TENM4: variants seen among roughly 807,000 people sequenced by gnomAD.
TENM4 encodes the protein teneurin-4.
A neutral mutation model predicts 243.3 loss-of-function variants in TENM4; 82 were observed. The ratio of observed to expected loss-of-function variants is 0.34; its 90% confidence interval spans 0.28 to 0.40. TENM4 has a LOEUF of 0.40. Ranked by LOEUF, TENM4 falls within the 10% of genes least tolerant of loss-of-function variation. The pLI is 1.00. For synonymous variants in TENM4, 1,412 were observed against 1,456.3 expected (o/e 0.97, Z 0.69); for missense variants, 3,138 against 3,673.3 (o/e 0.85, Z 3.77).
intron 12 of TENM4, among the ~76,000 whole-genome samples, chr11:78,842,461 A>G (rs562172510): frequency 6.6e-6 from 1 of 152,336 alleles, no homozygotes; most frequent in Admixed American, 6.5e-5. Context: ...TGCCAGCCAA[A>G]GATACCTATA....
intron 3 of TENM4, among the ~76,000 whole-genome samples, chr11:79,208,338 C>G (rs1228230081): frequency 6.6e-6 from 1 of 152,218 alleles, no homozygotes; most frequent in Non-Finnish European, 1.5e-5. Flanking sequence ...CTGAGGCTTG[C>G]CTTCTGAAGA....
At position 78,903,442 on chromosome 11, in the gene TENM4, T is replaced by C. The variant is rs1181864984; in HGVS notation, c.575A>G (p.His192Arg). The C allele has an allele frequency of 4.5e-6, 7 of 1,548,028 alleles. No homozygotes were observed. The Admixed American group carries it at 1.4e-4, about 31-fold the overall frequency. Residue 192 changes from histidine (H) to arginine (R), a missense_variant, in exon 7 of 34, where the codon CAC (histidine) becomes CGC (arginine). Physicochemically the swap from His to Arg is conservative, Grantham distance 29 (BLOSUM62 0). Coordinates refer to ENST00000278550, the MANE Select transcript of TENM4 (RefSeq NM_001098816.3). ...PLSHAHTPNQ[H>R]HAASINSLNR... ...CAGGGAGTTAATGGAGGCCGCGTGGTGCTGGTTGGGGGTGTGGGCGTGCGA... is the reference window on the plus strand; with the variant it reads ...CAGGGAGTTAATGGAGGCCGCGTGGCGCTGGTTGGGGGTGTGGGCGTGCGA...
intron 6 of TENM4, among the ~76,000 whole-genome samples, chr11:78,979,530 CTGTGCATGCACATATGTGT>C (rs1026708615): frequency 2.6e-5 from 4 of 152,154 alleles, no homozygotes; most frequent in African/African-American, 7.2e-5. Context: ...TGCATGTGTG[CTGTGCATGCACATATGTGT>C]TGTACATGCA....
chr11:78,924,427 C>T (rs1329630358), intron 6 of TENM4: 2 of 152,340 alleles, frequency 1.3e-5, no homozygotes, highest in East Asian at 1.9e-4. Context: ...CTGCTAATTA[C>T]AGCCAAAAGT....
chr11:78,830,358 C>T lies in TENM4; in HGVS notation c.1682-15963G>A, dbSNP rs182788397. On this transcript the variant is annotated intron_variant, in intron 12 of 33. Transcript: ENST00000278550. ...ACAGCCAGGGGCTGGGCCCAGCAGC[C>T]CAAGGTAGAGGGTGCACAAAGGAGA... Among the ~76,000 whole-genome samples, 701 of 152,200 alleles carry T rather than the reference C, an allele frequency of 4.6e-3. 3 individuals carry two copies. Among genetic ancestry groups the T allele is most frequent in the African/African-American group, 0.016 (661 of 41,508 alleles).
intron 9 of TENM4, among the ~76,000 whole-genome samples, chr11:78,871,352 G>C (rs935110076): frequency 9.9e-6 from 1 of 101,438 alleles, no homozygotes; most frequent in Non-Finnish European, 2.5e-5. Flanking sequence ...AGCTCTCTTT[G>C]TTGGCATCAT....
intron 6 of TENM4, among the ~76,000 whole-genome samples, chr11:79,006,379 A>G (rs1224814978): frequency 6.6e-6 from 1 of 152,214 alleles, no homozygotes; most frequent in Non-Finnish European, 1.5e-5. Context: ...ACATAATAGG[A>G]TAGCTATGAT....
Position 78,658,076 on chromosome 11 carries a change from G to T in TENM4, c.8292C>A (p.Ser2764Arg). 1 of 1,614,022 alleles carries T rather than the reference G, an allele frequency of 6.2e-7. No individual in the cohort carries two copies. Among genetic ancestry groups the T allele is most frequent in the Non-Finnish European group, 8.5e-7 (1 of 1,179,902 alleles). The change falls in exon 34 of 34, where the codon AGC becomes AGA. Residue 2764 changes from serine to arginine, a missense_variant. By Grantham distance (110) the Ser-to-Arg change is moderately radical. Transcript: ENST00000278550. ...SANNIHFMRQSEMGRR is the reference protein window; with the variant it reads ...SANNIHFMRQREMGRR ...CTCTCTGTCACCTCCGGCCCATCTC[G>T]CTCTGTCTCATGAAGTGGATGTTGT... is the stretch of plus-strand genomic sequence containing the variant.
At chr11:78,708,629 C>T in intron 26 of TENM4, 114 bp from the exon 27 acceptor site, 2 of 1,209,750 alleles carry the variant, frequency 1.7e-6, no homozygotes, top group Non-Finnish European at 2.3e-6. Context: ...GGGTTTGAGC[C>T]TCCCACAACC....
At chr11:78,899,568 G>C (rs1036720861) in intron 7 of TENM4, among the ~76,000 whole-genome samples, 4 of 129,390 alleles carry the variant, frequency 3.1e-5, no homozygotes, top group African/African-American at 8.4e-5. Flanking sequence ...GCGGGGGGGG[G>C]GGGAAAAAGA....
intron 2 of TENM4, among the ~76,000 whole-genome samples, chr11:79,248,402 A>G (rs1855556135): frequency 6.6e-6 from 1 of 152,182 alleles, no homozygotes; most frequent in Non-Finnish European, 1.5e-5. Context: ...CAGAGTTCCC[A>G]TTAGTGCCAG....
intron 2 of TENM4, among the ~76,000 whole-genome samples, chr11:79,232,341 T>C (rs1864388601): frequency 6.6e-6 from 1 of 152,224 alleles, no homozygotes; most frequent in South Asian, 2.1e-4. Context: ...CAAGAGAGCA[T>C]GCTGGGGCAG....
intron 4 of TENM4, chr11:79,096,617 C>T (rs1861083634): frequency 6.6e-6 from 1 of 151,862 alleles, no homozygotes. Flanking sequence ...CTGGAAGGCA[C>T]CCAGGGAAGC....
chr11:78,943,923 G>GGT (rs1856957622), intron 6 of TENM4, among the ~76,000 whole-genome samples: 1 of 152,234 alleles, frequency 6.6e-6, no homozygotes, highest in African/African-American at 2.4e-5. Context: ...GTTGCACAAA[G>GGT]GTGTGTGTAT....
At chr11:78,726,873 T>C (rs909853309) in intron 22 of TENM4, among the ~76,000 whole-genome samples, 1 of 152,190 alleles carries the variant, frequency 6.6e-6, no homozygotes, top group African/African-American at 2.4e-5. Context: ...TCTTTTCTTA[T>C]AAATTGCCCA....
intron 3 of TENM4, among the ~76,000 whole-genome samples, chr11:79,173,154 T>C (rs1863084510): frequency 6.6e-6 from 1 of 152,252 alleles, no homozygotes; most frequent in South Asian, 2.1e-4. Context: ...ACAGTCGACA[T>C]GTATTTATTG....
rs1180929885 is a variant in TENM4 at position 78,879,431 on chromosome 11, G to A, written c.1084+10354C>T. ...GGGAGTGCCTCTGCCCGGCCGCCCC[G>A]TCTGGGAGGTGGGGAGTGCCTCTGC... On this transcript the variant is annotated intron_variant, in intron 9 of 33. Coordinates refer to ENST00000278550, the MANE Select transcript of TENM4 (RefSeq NM_001098816.3). 5.6e-4 allele frequency among the ~76,000 whole-genome samples: 82 copies of A among 145,494 alleles called. No homozygotes were observed. The East Asian group carries it at 9.7e-3, about 17-fold the overall frequency.
intron 6 of TENM4, among the ~76,000 whole-genome samples, chr11:78,965,188 C>T (rs1857411652): frequency 6.6e-6 from 1 of 152,050 alleles, no homozygotes; most frequent in African/African-American, 2.4e-5. Flanking sequence ...AATTTGTCCA[C>T]CCACCACCCC....
rs373380676 is a variant in TENM4, at chr11:79,286,224, C to T, written c.-265+11264G>A. ...TAATGTGAAAAAAAGAGAAAGGGAG[C>T]GAGAGAAAATGAAGTAGAGAATATG... On this transcript the variant is annotated intron_variant, in intron 2 of 33. Coordinates refer to ENST00000278550, the MANE Select transcript of TENM4 (RefSeq NM_001098816.3). 9.2e-5 allele frequency among the ~76,000 whole-genome samples: 14 copies of T among 152,058 alleles called. No homozygotes were observed. In the South Asian group the frequency reaches 1.9e-3, roughly 20 times the overall value.
Sources: gnomAD v4.1 joint callset for allele counts (sites outside exome capture counted in the v4.1 genomes callset) on GRCh38, gnomAD v4.1.1 for gene constraint, MANE v1.5 for transcripts, NCBI Gene and HGNC (gene_info 2026-07-23, HGNC 2026-07-21) for gene names.